The following CCDC40 variants were observed in gnomAD, a reference collection of about 807,000 sequenced individuals.
CCDC40 encodes coiled-coil domain-containing protein 40.
In CCDC40, 104 loss-of-function variants were observed where a neutral mutation model predicts 124.5. The ratio of observed to expected loss-of-function variants is 0.84; its 90% confidence interval spans 0.71 to 0.98. The LOEUF (loss-of-function observed/expected upper bound fraction) is 0.98, where lower values mean the gene tolerates loss of function less well. CCDC40 is among the 50% of genes least tolerant of loss of function. The probability of loss-of-function intolerance (pLI) is 0.00; values close to 1 mark genes in which losing one functional copy is unlikely to be tolerated. For missense variants in CCDC40, 1,463 were observed against 1,503.9 expected, an observed-to-expected ratio of 0.97 and a Z score of 0.45; for synonymous variants, 580 against 602.9, an observed-to-expected ratio of 0.96 and a Z score of 0.56.
chr17:80,087,574 G>T lies in CCDC40; in HGVS notation c.2450-33G>T. On this transcript the variant is annotated intron_variant, in intron 14 of 19. Coordinates refer to ENST00000397545, the MANE Select transcript of CCDC40 (RefSeq NM_017950.4). This position sits in a 1 kb window ranked among gnomAD's most constrained non-coding sequence, Gnocchi z 4.5. Reference sequence around the variant, plus strand: ...CGGGCGAGGACCCGTACCCTCCTGGGGTCTCTCCCTGAGTCTCTGTTTTCT... The same window carrying T: ...CGGGCGAGGACCCGTACCCTCCTGGTGTCTCTCCCTGAGTCTCTGTTTTCT... 6.2e-7 allele frequency: 1 copy of T among 1,604,638 alleles called. No homozygotes were observed. Among genetic ancestry groups the T allele is most frequent in the Admixed American group, 1.7e-5 (1 of 59,826 alleles).
chr17:80,046,528 TACTC>T (rs1292708129), intron 3 of CCDC40, among the ~76,000 whole-genome samples: 1 of 107,200 alleles, frequency 9.3e-6, no homozygotes, highest in Non-Finnish European at 1.9e-5. Flanking sequence ...GTGAGACCCT[TACTC>T]AATAATAATA....
chr17:80,081,763 G>C lies in CCDC40; in HGVS notation c.1780G>C (p.Glu594Gln), dbSNP rs1314509837. 1.2e-6 allele frequency: 2 copies of C among 1,614,076 alleles called. No individual in the cohort carries two copies. The highest frequency in any genetic ancestry group is 1.7e-6 in the Non-Finnish European group (2 of 1,180,026). Residue 594 changes from glutamate to glutamine, a missense_variant, in exon 11 of 20, where the codon GAG becomes CAG. By Grantham distance (29) the Glu-to-Gln change is conservative. Transcript: ENST00000397545. The part of the protein sequence containing the change: ...NTYRLTLQDT[E>Q]DALSQDQLEQ... Reference sequence around the variant, plus strand: ...CTACAGGCTCACCCTGCAGGACACAGAGGATGCCCTCAGCCAGGACCAGCT... The same window carrying C: ...CTACAGGCTCACCCTGCAGGACACACAGGATGCCCTCAGCCAGGACCAGCT...
At chr17:80,068,370 G>T (rs2038103992) in intron 10 of CCDC40, among the ~76,000 whole-genome samples, 1 of 152,106 alleles carries the variant, frequency 6.6e-6, no homozygotes, top group South Asian at 2.1e-4. Context: ...AACATTGTGA[G>T]AAGTATAAAC....
chr17:80,071,431 C>G, intron 10 of CCDC40, among the ~76,000 whole-genome samples: 1 of 152,328 alleles, frequency 6.6e-6, no homozygotes, highest in East Asian at 1.9e-4. Context: ...GGAGAGAACC[C>G]GGCCTTGACC....
intron 10 of CCDC40, among the ~76,000 whole-genome samples, chr17:80,073,557 C>G (rs2038242585): frequency 6.6e-6 from 1 of 152,210 alleles, no homozygotes; most frequent in Non-Finnish European, 1.5e-5. Flanking sequence ...TGTGTACTGA[C>G]TGCTCGCCGG....
At chr17:80,067,306 T>C (rs1302728445) in intron 10 of CCDC40, 2 of 554,296 alleles carry the variant, frequency 3.6e-6, no homozygotes, top group East Asian at 5.9e-5. Context: ...CGATCAGGTC[T>C]CCTCCTCCTC....
chr17:80,044,716 A>AAT lies in CCDC40; in HGVS notation c.553-2542_553-2541dup, dbSNP rs10582928. On this transcript the variant is annotated intron_variant, in intron 3 of 19. Coordinates refer to ENST00000397545, the MANE Select transcript of CCDC40 (RefSeq NM_017950.4). ...AACAAAACAAACAAACAAAAAAAAA[A>AAT]ATATATATATATATATATATATCTC... Among the ~76,000 whole-genome samples, 51 of 131,802 alleles carry AAT rather than the reference A, an allele frequency of 3.9e-4. 1 individual carries two copies. In the South Asian group the frequency reaches 9.9e-3, roughly 25 times the overall value. 86.5% of individuals were successfully genotyped at this position (131,802 alleles called of 152,430 possible).
intron 17 of CCDC40, chr17:80,090,666 CG>C: frequency 7.0e-7 from 1 of 1,434,944 alleles, no homozygotes; most frequent in Non-Finnish European, 9.1e-7. Context: ...TTCACAGCCG[CG>C]TTGTCTCTCC....
At chr17:80,042,351 C>A (rs1360007844) in intron 3 of CCDC40, among the ~76,000 whole-genome samples, 1 of 152,194 alleles carries the variant, frequency 6.6e-6, no homozygotes, top group Non-Finnish European at 1.5e-5. Flanking sequence ...AACTCCTGCC[C>A]ACAAATGATC....
At chr17:80,059,214 G>A (rs1180558122) in intron 9 of CCDC40, among the ~76,000 whole-genome samples, 1 of 152,180 alleles carries the variant, frequency 6.6e-6, no homozygotes, top group Admixed American at 6.5e-5. Flanking sequence ...GGCCTCGCAG[G>A]GTTCAGGTAC....
chr17:80,077,295 C>T (rs1421134611), intron 10 of CCDC40, among the ~76,000 whole-genome samples: 2 of 152,050 alleles, frequency 1.3e-5, no homozygotes, highest in Non-Finnish European at 2.9e-5. Flanking sequence ...GAGGCTGAGG[C>T]GGATCACTTG....
At chr17:80,099,189 G>C (rs2038867056) in intron 19 of CCDC40, among the ~76,000 whole-genome samples, 1 of 151,964 alleles carries the variant, frequency 6.6e-6, no homozygotes, top group Admixed American at 6.6e-5. Context: ...TACTCAGGAG[G>C]CTGAGACAGG....
chr17:80,058,485 G>A lies in CCDC40; in HGVS notation c.1160-9G>A, dbSNP rs779328167. ...TCTCTCTCTCTTTCTCCCCCGCCGC[G>A]CCCCGCAGTGGCGGCTCTGCAGACT... On this transcript the variant is annotated splice_polypyrimidine_tract_variant and intron_variant, in intron 7 of 19. Transcript: ENST00000397545. The surrounding 1 kb of genome is among the most constrained non-coding windows in gnomAD (Gnocchi z 4.2). The A allele has an allele frequency of 4.3e-6, 7 of 1,613,288 alleles. No individual in the cohort carries two copies. Among genetic ancestry groups the A allele is most frequent in the African/African-American group, 1.3e-5 (1 of 74,868 alleles).
At chr17:80,067,922 G>C in intron 10 of CCDC40, 1 of 1,304,364 alleles carries the variant, frequency 7.7e-7, no homozygotes, top group Non-Finnish European at 9.8e-7. Flanking sequence ...GAATATTTTA[G>C]TGGACTATGT....
In CCDC40 at chr17:80,036,666, G is replaced by A. The variant is rs1431845857; in HGVS notation, c.4G>A (p.Ala2Thr). 7 of 1,462,716 alleles carry A rather than the reference G, an allele frequency of 4.8e-6. No individual in the cohort carries two copies. Among genetic ancestry groups the A allele is most frequent in the South Asian group, 1.3e-5 (1 of 74,798 alleles). The allele number at this position is 1,462,716 out of a possible 1,614,324, so 90.6% of individuals were successfully genotyped here. ...CAGCGTCGCCTAGCAACGGGAAATG[G>A]CGGAACCGGGCGGCGCGGCGGGCCG... M[A>T]EPGGAAGRSH... The change falls in exon 1 of 20, where the codon GCG becomes ACG. Residue 2 changes from alanine to threonine, a missense_variant. Transcript: ENST00000397545.
rs1030962022 is a variant in CCDC40 at position 80,051,415 on chromosome 17, G to T, written c.1159+1132G>T. ...GAGGCCGAGGCGGGCGGATCACGAG[G>T]TCAGGAGATCGAGACCATCCCGGCT... On this transcript the variant is annotated intron_variant, in intron 7 of 19. Transcript: ENST00000397545. 36 of 256,116 alleles carry T rather than the reference G, an allele frequency of 1.4e-4. No homozygotes were observed. The Admixed American group carries it at 2.0e-3, about 14-fold the overall frequency. 15.9% of individuals were successfully genotyped at this position (256,116 alleles called of 1,614,324 possible). A position where few individuals can be genotyped will look rare whatever the true frequency, so the allele number is the denominator to read the frequency against.
Position 80,099,823 on chromosome 17 carries a change from A to C in CCDC40, c.*48A>C. 6.2e-7 allele frequency: 1 copy of C among 1,602,664 alleles called. No homozygotes were observed. Among genetic ancestry groups the C allele is most frequent in the Non-Finnish European group, 8.5e-7 (1 of 1,175,580 alleles). On this transcript the variant is annotated 3_prime_UTR_variant, in exon 20 of 20. Coordinates refer to ENST00000397545, the MANE Select transcript of CCDC40 (RefSeq NM_017950.4). ...GCAAGGCCTCCAGGAAGAGATCCGGAATTGTGTTTGTCATGAGGGACTTGG... is the reference window on the plus strand; with the variant it reads ...GCAAGGCCTCCAGGAAGAGATCCGGCATTGTGTTTGTCATGAGGGACTTGG...
In CCDC40 at chr17:80,090,472, GACAC is replaced by G. The variant is rs1334421240; in HGVS notation, c.2832+594_2832+597del. On this transcript the variant is annotated intron_variant, in intron 17 of 19. Transcript: ENST00000397545. ...ACAAGCACGTGCATGAACAACACAG[GACAC>G]ACACAAGCACGTGCATGTCATCTCA... 6.9e-5 allele frequency: 91 copies of G among 1,320,858 alleles called. 1 individual carries two copies. In the South Asian group the frequency reaches 1.2e-3, roughly 17 times the overall value. The allele number at this position is 1,320,858 out of a possible 1,614,324, so 81.8% of individuals were successfully genotyped here. A position where few individuals can be genotyped will look rare whatever the true frequency, so the allele number is the denominator to read the frequency against.
intron 7 of CCDC40, among the ~76,000 whole-genome samples, chr17:80,053,356 G>C (rs559767945): frequency 3.9e-5 from 6 of 152,330 alleles, no homozygotes; most frequent in Admixed American, 2.0e-4. Flanking sequence ...GCCTCCATCA[G>C]CTGCGCCTTG....
Sources: allele counts gnomAD v4.1 joint callset (sites outside exome capture counted in the v4.1 genomes callset), GRCh38; gene constraint gnomAD v4.1.1; non-coding constraint Gnocchi (gnomAD v3.1); transcripts MANE v1.5; gene names NCBI Gene and HGNC (gene_info 2026-07-23, HGNC 2026-07-21).